The following IQSEC1 variants were observed in gnomAD, a reference collection of about 807,000 sequenced individuals.
The protein encoded by IQSEC1 is IQ motif and SEC7 domain-containing protein 1.
Under a neutral mutation model 91.0 loss-of-function variants are expected in IQSEC1, and 31 were observed. The ratio of observed to expected loss-of-function variants is 0.34; its 90% CI spans 0.26 to 0.46. IQSEC1 has a LOEUF of 0.46. IQSEC1 is among the 20% of genes least tolerant of loss of function. The probability of loss-of-function intolerance (pLI) is 1.00; values close to 1 mark genes in which losing one functional copy is unlikely to be tolerated. For missense variants in IQSEC1, 1,388 were observed against 1,575.6 expected (o/e 0.88, Z 2.02); for synonymous variants, 699 against 662.6 (o/e 1.05, Z -0.84).
intron 1 of IQSEC1, among the ~76,000 whole-genome samples, chr3:13,216,117 G>A (rs1047190120): frequency 6.6e-5 from 10 of 152,340 alleles, no homozygotes; most frequent in African/African-American, 2.2e-4. Flanking sequence ...TTAAGTGGGC[G>A]TGTCCTTTGG....
chr3:13,219,398 GC>G (rs921505357), intron 1 of IQSEC1, among the ~76,000 whole-genome samples: 3 of 152,122 alleles, frequency 2.0e-5, no homozygotes, highest in African/African-American at 7.2e-5. Flanking sequence ...CCACCCCACA[GC>G]CCCCCAGGGA....
In IQSEC1 at chr3:12,901,387, G is replaced by A. The variant is rs1486585161; in HGVS notation, c.2941C>T (p.Pro981Ser). ...GCTGAGGGCAGGTGGGCCTGGGGAG[G>A]GGGCTTCCCTCTCTTGCTCCCGAAT... ...SLFGSKRGKP[P>S]PQAHLPSAPA... Residue 981 changes from proline to serine, a missense_variant, in exon 14 of 14, where the codon CCT (proline) becomes TCT (serine). This residue lies in a region of IQSEC1 where 329 missense variants were observed against 257.8 expected (regional missense o/e 1.28). Coordinates refer to ENST00000613206, the MANE Select transcript of IQSEC1 (RefSeq NM_001134382.3). 4.5e-6 allele frequency: 7 copies of A among 1,543,116 alleles called. No homozygotes were observed. The highest frequency in any genetic ancestry group is 1.4e-5 in the African/African-American group (1 of 72,964).
In IQSEC1 at chr3:12,994,623, AC is replaced by A. The variant is rs949344914; in HGVS notation, c.24-52759del. Among the ~76,000 whole-genome samples the A allele has an allele frequency of 4.0e-5, 6 of 151,340 alleles. No individual in the cohort carries two copies. Among genetic ancestry groups the A allele is most frequent in the Non-Finnish European group, 5.9e-5 (4 of 67,818 alleles). On this transcript the variant is annotated intron_variant, in intron 1 of 13. Transcript: ENST00000613206. This position sits in a 1 kb window ranked among gnomAD's most constrained non-coding sequence, Gnocchi z 4.5. Reference sequence around the variant, plus strand: ...GCTGCAGCCCCGGCCGAAACGCCCCACCCCCGCCGCCGTCCCCAGTTCGCAG... The same window carrying A: ...GCTGCAGCCCCGGCCGAAACGCCCCACCCCGCCGCCGTCCCCAGTTCGCAG...
At chr3:13,270,086 C>T (rs1048646933) in intron 1 of IQSEC1, among the ~76,000 whole-genome samples, 1 of 152,128 alleles carries the variant, frequency 6.6e-6, no homozygotes, top group Non-Finnish European at 1.5e-5. Flanking sequence ...CACAAGGTGC[C>T]GGATGTGTGA....
chr3:13,172,691 T>C (rs1336969801), intron 1 of IQSEC1, among the ~76,000 whole-genome samples: 2 of 152,156 alleles, frequency 1.3e-5, no homozygotes, highest in Non-Finnish European at 2.9e-5. Context: ...ATTGCCATTG[T>C]CCCCTGGGTG....
At position 13,116,247 on chromosome 3, in the gene IQSEC1, C is replaced by T. The variant is rs529277946; in HGVS notation, c.302+47857G>A. Reference sequence around the variant, plus strand: ...AGGGCCCAGGGGCAGCCGATGGGGCCGTGCAGGTAGGAGCTATATGTGGGG... The same window carrying T: ...AGGGCCCAGGGGCAGCCGATGGGGCTGTGCAGGTAGGAGCTATATGTGGGG... On this transcript the variant is annotated intron_variant, in intron 2 of 15. Transcript: ENST00000648114. Among the ~76,000 whole-genome samples, 1,028 of 152,280 alleles carry T rather than the reference C, an allele frequency of 6.8e-3. 9 individuals carry two copies. The highest frequency in any genetic ancestry group is 0.01 in the Non-Finnish European group (704 of 68,026).
chr3:12,930,469 G>A (rs992843025), intron 3 of IQSEC1, among the ~76,000 whole-genome samples: 2 of 152,178 alleles, frequency 1.3e-5, no homozygotes, highest in Admixed American at 1.3e-4. Context: ...GCCAGTCAGA[G>A]CCCTGCATCC....
At chr3:13,029,675 C>A (rs1703767543) in intron 1 of IQSEC1, among the ~76,000 whole-genome samples, 2 of 152,210 alleles carry the variant, frequency 1.3e-5, no homozygotes, top group Non-Finnish European at 2.9e-5. Context: ...TCCCCTTGTG[C>A]GTGAGCGTGA....
intron 1 of IQSEC1, among the ~76,000 whole-genome samples, chr3:13,209,854 C>G (rs1267118210): frequency 6.6e-6 from 1 of 152,180 alleles, no homozygotes; most frequent in African/African-American, 2.4e-5. Flanking sequence ...CCGCAGCAGC[C>G]CAACACCCAG....
chr3:13,137,194 G>A (rs1202683677), intron 2 of IQSEC1, among the ~76,000 whole-genome samples: 2 of 152,046 alleles, frequency 1.3e-5, no homozygotes, highest in South Asian at 2.1e-4. Flanking sequence ...CCTGTAATCC[G>A]GCAGGTCCAC....
intron 9 of IQSEC1, among the ~76,000 whole-genome samples, chr3:12,912,472 C>T (rs1396974816): frequency 1.3e-5 from 2 of 152,154 alleles, no homozygotes; most frequent in African/African-American, 2.4e-5. Flanking sequence ...TGAACTTACA[C>T]GTCTGATTTC....
intron 2 of IQSEC1, among the ~76,000 whole-genome samples, chr3:13,142,720 A>G (rs1229267627): frequency 2.6e-5 from 4 of 152,214 alleles, no homozygotes; most frequent in Admixed American, 2.6e-4. Flanking sequence ...GTTCTGTGTA[A>G]CTCCAGTGTC....
At chr3:12,985,309 A>G (rs1357762242) in intron 1 of IQSEC1, among the ~76,000 whole-genome samples, 3 of 152,016 alleles carry the variant, frequency 2.0e-5, no homozygotes, top group African/African-American at 7.2e-5. Flanking sequence ...GAGCCCAGAG[A>G]GGGCCAGGGC....
chr3:13,200,204 C>G (rs1438280019), intron 1 of IQSEC1, among the ~76,000 whole-genome samples: 2 of 151,190 alleles, frequency 1.3e-5, no homozygotes, highest in African/African-American at 4.9e-5. Flanking sequence ...AAACACATCA[C>G]ACACTATATG....
intron 2 of IQSEC1, among the ~76,000 whole-genome samples, chr3:13,104,664 G>A (rs1043711803): frequency 4.6e-5 from 7 of 152,090 alleles, no homozygotes; most frequent in South Asian, 2.1e-4. Context: ...CCCTGGCTCC[G>A]GACTCAGCTG....
chr3:13,141,997 G>T (rs1011944319), intron 2 of IQSEC1, among the ~76,000 whole-genome samples: 1 of 152,192 alleles, frequency 6.6e-6, no homozygotes, highest in Non-Finnish European at 1.5e-5. Flanking sequence ...ATAGCCTGGG[G>T]TTCATGTAGC....
At position 12,901,062 on chromosome 3, in the gene IQSEC1, T is replaced by G. The variant is rs1383395434; in HGVS notation, c.3266A>C (p.His1089Pro). 7 of 1,538,704 alleles carry G rather than the reference T, an allele frequency of 4.5e-6. No homozygotes were observed. In the Admixed American group the frequency reaches 7.9e-5, roughly 17 times the overall value. Residue 1089 changes from histidine to proline, a missense_variant, in exon 14 of 14, where the codon CAC becomes CCC. Transcript: ENST00000613206. ...LPSAHVGHTV[H>P]HHGQPPAPPP... ...CGGGGCAGGGGGCTGCCCATGGTGG[T>G]GCACTGTGTGCCCCACGTGGGCCGA...
intron 2 of IQSEC1, among the ~76,000 whole-genome samples, chr3:13,146,325 C>T (rs1226980059): frequency 5.9e-5 from 9 of 152,182 alleles, no homozygotes; most frequent in Admixed American, 5.9e-4. Context: ...TATCCCTTCA[C>T]GTGTCAACTT....
At chr3:13,074,885 G>A (rs537441402), upstream of IQSEC1, among the ~76,000 whole-genome samples, 36 of 152,330 alleles carry the variant, frequency 2.4e-4, no homozygotes, top group Middle Eastern at 3.4e-3. Flanking sequence ...CAGGGGGTGA[G>A]CGATTTGCCT....
Sources: gnomAD v4.1 joint callset for allele counts (sites outside exome capture counted in the v4.1 genomes callset) on GRCh38, gnomAD v4.1.1 for gene constraint, gnomAD v4.1.1 regional missense constraint, Gnocchi (gnomAD v3.1) non-coding constraint, MANE v1.5 for transcripts, NCBI Gene and HGNC (gene_info 2026-07-23, HGNC 2026-07-21) for gene names.